The following GBE1 variants were observed in gnomAD, a reference collection of about 807,000 sequenced individuals.
The protein encoded by GBE1 is 1,4-alpha-glucan branching enzyme 1, also known as 1,4-alpha-glucan-branching enzyme.
A neutral mutation model predicts 88.8 loss-of-function variants in GBE1; 70 were observed. The observed-to-expected ratio is 0.79, with a 90% CI of 0.65 to 0.96. The LOEUF (loss-of-function observed/expected upper bound fraction) is 0.96, where lower values mean the gene tolerates loss of function less well. Among genes scored for constraint, GBE1 ranks in the 40% least tolerant of loss-of-function variants. The pLI is 0.00. For missense variants in GBE1, 872 were observed against 871.0 expected (o/e 1.00, Z -0.01); for synonymous variants, 284 against 300.1 (o/e 0.95, Z 0.56).
At chr3:81,701,313 T>C (rs1705683109) in intron 2 of GBE1, among the ~76,000 whole-genome samples, 1 of 152,244 alleles carries the variant, frequency 6.6e-6, no homozygotes, top group African/African-American at 2.4e-5. Flanking sequence ...AAATGATTGT[T>C]TTATTTTCTC....
At chr3:81,613,936 CAAA>C (rs34108399) in intron 7 of GBE1, among the ~76,000 whole-genome samples, 2 of 119,658 alleles carry the variant, frequency 1.7e-5, no homozygotes, top group East Asian at 2.2e-4. Flanking sequence ...ACACACACAC[CAAA>C]AAAAAAAAAA....
intron 1 of GBE1, among the ~76,000 whole-genome samples, chr3:81,728,725 C>A (rs1420142325): frequency 1.3e-5 from 2 of 152,052 alleles, no homozygotes; most frequent in Non-Finnish European, 2.9e-5. Flanking sequence ...AAGAAAAGTA[C>A]AATGTGAAAG....
chr3:81,681,303 C>G lies in GBE1; in HGVS notation c.314-10350G>C, dbSNP rs1349715831. On this transcript the variant is annotated intron_variant, in intron 2 of 15. Transcript: ENST00000429644. The stretch of plus-strand genomic sequence containing the variant: ...AAACATTTGGGGGCCAGTAGGGGGG[C>G]TCTTTTTAGACAGGGAGCACACTGT... 2.6e-5 allele frequency among the ~76,000 whole-genome samples: 4 copies of G among 152,082 alleles called. No individual in the cohort carries two copies. In the East Asian group the frequency reaches 5.8e-4, roughly 22 times the overall value.
At chr3:81,542,031 A>T (rs553534622) in intron 12 of GBE1, among the ~76,000 whole-genome samples, 38 of 152,072 alleles carry the variant, frequency 2.5e-4, no homozygotes, top group Non-Finnish European at 4.1e-4. Flanking sequence ...TTTGATAAAC[A>T]TTGTATTTAT....
intron 2 of GBE1, among the ~76,000 whole-genome samples, chr3:81,696,268 G>A (rs1559690772): frequency 6.6e-6 from 1 of 152,176 alleles, no homozygotes; most frequent in Non-Finnish European, 1.5e-5. Context: ...GCTTGGATGA[G>A]CAAAAACAAT....
At chr3:81,590,459 C>A (rs1703862019) in intron 9 of GBE1, among the ~76,000 whole-genome samples, 1 of 151,984 alleles carries the variant, frequency 6.6e-6, no homozygotes. Context: ...TCACATTTAT[C>A]ACCAAGAGGG....
intron 1 of GBE1, among the ~76,000 whole-genome samples, chr3:81,711,619 C>T (rs1232355894): frequency 1.3e-5 from 2 of 152,108 alleles, no homozygotes; most frequent in Non-Finnish European, 2.9e-5. Flanking sequence ...AAAGCTGAAA[C>T]TGGATCCCTT....
At chr3:81,608,364 T>C (rs1704130578) in intron 7 of GBE1, among the ~76,000 whole-genome samples, 3 of 152,214 alleles carry the variant, frequency 2.0e-5, no homozygotes, top group Admixed American at 2.0e-4. Flanking sequence ...GAGAAGTATT[T>C]TATTTAAGAA....
At chr3:81,712,565 G>A (rs902714113) in intron 1 of GBE1, among the ~76,000 whole-genome samples, 1 of 150,972 alleles carries the variant, frequency 6.6e-6, no homozygotes, top group African/African-American at 2.4e-5. Flanking sequence ...ACCAAACACC[G>A]CATGTTCTCA....
intron 1 of GBE1, among the ~76,000 whole-genome samples, chr3:81,757,709 T>A (rs2107245225): frequency 6.6e-6 from 1 of 152,312 alleles, no homozygotes; most frequent in Admixed American, 6.5e-5. Context: ...GACAAACATG[T>A]TTGGAATGAA....
Position 81,750,591 on chromosome 3 carries a change from A to ACG in GBE1, c.143+10783_143+10784insCG, listed in dbSNP as rs1559708572. On this transcript the variant is annotated intron_variant, in intron 1 of 15. Coordinates refer to ENST00000429644, the MANE Select transcript of GBE1 (RefSeq NM_000158.4). ...TATATATATACGTATATATATACGT[A>ACG]TATATATATGTGTATATATATATAT... Among the ~76,000 whole-genome samples the ACG allele has an allele frequency of 1.7e-4, 9 of 51,958 alleles. 1 individual carries two copies. Among genetic ancestry groups the ACG allele is most frequent in the African/African-American group, 9.0e-4 (8 of 8,928 alleles). 34.1% of individuals were successfully genotyped at this position (51,958 alleles called of 152,430 possible). A position where few individuals can be genotyped will look rare whatever the true frequency, so the allele number is the denominator to read the frequency against.
chr3:81,612,235 A>AC (rs892278817), intron 7 of GBE1: 11 of 512,482 alleles, frequency 2.1e-5, no homozygotes, highest in African/African-American at 2.1e-4. Context: ...AAAAAAAAAA[A>AC]AAAAAAAACT....
At chr3:81,602,632 A>T (rs571319273) in intron 7 of GBE1, among the ~76,000 whole-genome samples, 225 of 152,184 alleles carry the variant, frequency 1.5e-3, no homozygotes, top group African/African-American at 5.2e-3. Context: ...AGCCCTCCCA[A>T]AGGCCCCACT....
chr3:81,670,728 C>T, intron 3 of GBE1, 110 bp downstream of exon 3: 3 of 621,064 alleles, frequency 4.8e-6, no homozygotes, highest in East Asian at 3.3e-5. Flanking sequence ...GACTGTTTCT[C>T]CCACAATTAT....
intron 14 of GBE1, chr3:81,509,755 T>A (rs867288403): frequency 9.2e-5 from 14 of 151,970 alleles, no homozygotes; most frequent in African/African-American, 3.4e-4. Context: ...ACTTGAATTT[T>A]TCCCTTTGTT....
At chr3:81,530,785 C>G (rs1037713877) in intron 14 of GBE1, among the ~76,000 whole-genome samples, 1 of 151,952 alleles carries the variant, frequency 6.6e-6, no homozygotes, top group African/African-American at 2.4e-5. Flanking sequence ...CAGCACACTA[C>G]TAGTCCTCAC....
At chr3:81,613,454 T>C (rs1302215573) in intron 7 of GBE1, among the ~76,000 whole-genome samples, 10 of 152,060 alleles carry the variant, frequency 6.6e-5, no homozygotes. Context: ...TTTCTCTGTA[T>C]ATTGGGATCA....
At chr3:81,612,655 C>A in intron 7 of GBE1, 1 of 562,336 alleles carries the variant, frequency 1.8e-6, no homozygotes, top group South Asian at 1.4e-5. Flanking sequence ...ATTCGACTTT[C>A]AAAATCTCCT....
intron 7 of GBE1, among the ~76,000 whole-genome samples, chr3:81,624,084 C>T (rs1219515372): frequency 1.3e-5 from 2 of 152,166 alleles, no homozygotes; most frequent in African/African-American, 4.8e-5. Context: ...CACAGTTCCA[C>T]ATAGCTGGGG....
Sources: allele counts gnomAD v4.1 joint callset (sites outside exome capture counted in the v4.1 genomes callset), GRCh38; gene constraint gnomAD v4.1.1; transcripts MANE v1.5; gene names NCBI Gene and HGNC (gene_info 2026-07-23, HGNC 2026-07-21).